The following TRAPPC9 variants were observed in gnomAD, a reference collection of about 807,000 sequenced individuals.
TRAPPC9 encodes trafficking protein particle complex subunit 9, also known as IKK2 binding protein.
TRAPPC9 carries 83 observed loss-of-function variants against 124.0 expected under a neutral mutation model. The observed-to-expected ratio is 0.67, with a 90% CI of 0.56 to 0.80. The LOEUF (loss-of-function observed/expected upper bound fraction) is 0.80. Ranked by LOEUF, TRAPPC9 falls within the 30% of genes least tolerant of loss-of-function variation. The probability of loss-of-function intolerance (pLI) is 0.00; values close to 1 mark genes in which losing one functional copy is unlikely to be tolerated. For synonymous variants in TRAPPC9, 638 were observed against 617.5 expected, an observed-to-expected ratio of 1.03 and a Z score of -0.49; for missense variants, 1,302 against 1,508.3, an observed-to-expected ratio of 0.86 and a Z score of 2.27.
intron 19 of TRAPPC9, among the ~76,000 whole-genome samples, chr8:139,960,426 C>T (rs951477250): frequency 6.6e-6 from 1 of 152,114 alleles, no homozygotes; most frequent in Non-Finnish European, 1.5e-5. Context: ...TTCCAGAGCC[C>T]TCTCCCTCTG....
At chr8:139,887,689 C>T (rs919740935) in intron 20 of TRAPPC9, among the ~76,000 whole-genome samples, 19 of 152,206 alleles carry the variant, frequency 1.2e-4, no homozygotes, top group Non-Finnish European at 2.4e-4. Context: ...GCTTCTCCTG[C>T]AGGAACCCTC....
chr8:140,339,004 CA>C, intron 9 of TRAPPC9, among the ~76,000 whole-genome samples: 1 of 142,234 alleles, frequency 7.0e-6, no homozygotes. Flanking sequence ...CAGAGAAAAC[CA>C]ACGCCACCAG....
chr8:140,023,970 A>G lies in TRAPPC9; in HGVS notation c.2666T>C (p.Phe889Ser). The change falls in exon 18 of 23, where the codon TTT (phenylalanine) becomes TCT (serine). Residue 889 changes from phenylalanine (F) to serine (S), a missense_variant. This residue lies in a region of TRAPPC9 where 640 missense variants were observed against 679.3 expected (regional missense o/e 0.94). Transcript: ENST00000438773. Reference sequence around the variant, plus strand: ...TGGGAGGGTGCTGACTCGGGTGAAAAATACAGACGGCTCGACTTCTACATG... The same window carrying G: ...TGGGAGGGTGCTGACTCGGGTGAAAGATACAGACGGCTCGACTTCTACATG... ...GLHVEVEPSVFFTRVSTLPAT... is the reference protein window; with the variant it reads ...GLHVEVEPSVSFTRVSTLPAT... The G allele has an allele frequency of 5.0e-6, 8 of 1,614,040 alleles. No homozygotes were observed. Among genetic ancestry groups the G allele is most frequent in the Non-Finnish European group, 6.8e-6 (8 of 1,179,992 alleles).
chr8:140,420,325 A>G (rs1490115570), intron 5 of TRAPPC9, among the ~76,000 whole-genome samples: 1 of 152,138 alleles, frequency 6.6e-6, no homozygotes, highest in East Asian at 1.9e-4. Context: ...TCAAATCTCT[A>G]TCAAAATCCC....
chr8:139,924,371 A>G (rs1832683323), intron 19 of TRAPPC9, among the ~76,000 whole-genome samples: 1 of 152,176 alleles, frequency 6.6e-6, no homozygotes, highest in Non-Finnish European at 1.5e-5. Flanking sequence ...ACCCGGCCAC[A>G]TGGAGCTGAA....
At chr8:139,731,793 G>C (rs1019431383) in intron 22 of TRAPPC9, among the ~76,000 whole-genome samples, 186 bp downstream of exon 22, 1 of 152,162 alleles carries the variant, frequency 6.6e-6, no homozygotes, top group African/African-American at 2.4e-5. Flanking sequence ...TGAGAGACAG[G>C]TGAGCTTGTC....
At chr8:139,956,956 G>C (rs1835027192) in intron 19 of TRAPPC9, among the ~76,000 whole-genome samples, 1 of 152,260 alleles carries the variant, frequency 6.6e-6, no homozygotes, top group South Asian at 2.1e-4. Flanking sequence ...GAGGACACCG[G>C]ATAAGGCCCT....
chr8:140,299,172 G>A (rs1045185356), intron 11 of TRAPPC9, among the ~76,000 whole-genome samples: 4 of 152,240 alleles, frequency 2.6e-5, no homozygotes, highest in African/African-American at 7.2e-5. Context: ...AGGAAAGAGC[G>A]AGCCCCAAAG....
chr8:140,269,834 C>T (rs527639835), intron 15 of TRAPPC9, among the ~76,000 whole-genome samples: 1 of 152,126 alleles, frequency 6.6e-6, no homozygotes, highest in Non-Finnish European at 1.5e-5. Context: ...CACGGTCGCT[C>T]GTGCCTGTAA....
At chr8:140,228,487 GA>G (rs1174595820) in intron 16 of TRAPPC9, among the ~76,000 whole-genome samples, 1 of 152,182 alleles carries the variant, frequency 6.6e-6, no homozygotes, top group Non-Finnish European at 1.5e-5. Flanking sequence ...GCTTAGGAAA[GA>G]AAAAATAATC....
At chr8:140,384,574 A>C (rs567384417) in intron 7 of TRAPPC9, among the ~76,000 whole-genome samples, 1 of 152,320 alleles carries the variant, frequency 6.6e-6, no homozygotes, top group African/African-American at 2.4e-5. Context: ...AGGCCATTAC[A>C]TAATGGCATA....
At chr8:140,383,994 G>A in intron 7 of TRAPPC9, among the ~76,000 whole-genome samples, 1 of 152,190 alleles carries the variant, frequency 6.6e-6, no homozygotes, top group Non-Finnish European at 1.5e-5. Flanking sequence ...CCAGAAGAGA[G>A]TAGGGGCCAA....
intron 19 of TRAPPC9, among the ~76,000 whole-genome samples, chr8:139,912,110 A>C (rs893100670): frequency 6.6e-6 from 1 of 152,240 alleles, no homozygotes; most frequent in African/African-American, 2.4e-5. Flanking sequence ...GAAGATAGAA[A>C]AAAGCATAAA....
At chr8:140,267,553 A>C (rs2131587517) in intron 15 of TRAPPC9, among the ~76,000 whole-genome samples, 1 of 152,360 alleles carries the variant, frequency 6.6e-6, no homozygotes, top group East Asian at 1.9e-4. Context: ...CCACCCAAAA[A>C]GACCTCTTAC....
intron 19 of TRAPPC9, among the ~76,000 whole-genome samples, chr8:139,947,495 G>A (rs1834304480): frequency 6.6e-6 from 1 of 152,072 alleles, no homozygotes; most frequent in South Asian, 2.1e-4. Context: ...ATTTAAATAA[G>A]GCTTTGTTTT....
chr8:140,337,079 G>T (rs2067063088), intron 9 of TRAPPC9, among the ~76,000 whole-genome samples: 1 of 152,132 alleles, frequency 6.6e-6, no homozygotes, highest in African/African-American at 2.4e-5. Flanking sequence ...GTCCTTAGCT[G>T]GCTGCAGGTG....
At chr8:140,032,997 C>G (rs1369939310) in intron 17 of TRAPPC9, among the ~76,000 whole-genome samples, 1 of 152,198 alleles carries the variant, frequency 6.6e-6, no homozygotes, top group Non-Finnish European at 1.5e-5. Flanking sequence ...GAACATCTTT[C>G]CATATGCTTG....
At chr8:140,160,173 T>A (rs947354924) in intron 17 of TRAPPC9, among the ~76,000 whole-genome samples, 6 of 152,132 alleles carry the variant, frequency 3.9e-5, no homozygotes, top group African/African-American at 1.4e-4. Flanking sequence ...TGTGGAGAAA[T>A]AGGAACGCTT....
At chr8:139,965,110 T>TG (rs11321962) in intron 19 of TRAPPC9, among the ~76,000 whole-genome samples, 56,421 of 151,994 alleles carry the variant, frequency 0.37, 11,813 homozygotes, top group Non-Finnish European at 0.47. Context: ...AGGGGGTCTC[T>TG]GGGGGACACA....
Sources: allele counts gnomAD v4.1 joint callset (sites outside exome capture counted in the v4.1 genomes callset), GRCh38; gene constraint gnomAD v4.1.1; regional missense constraint gnomAD v4.1.1; transcripts MANE v1.5; gene names NCBI Gene and HGNC (gene_info 2026-07-23, HGNC 2026-07-21).